Variants in AGBL1 observed in about 807,000 individuals in gnomAD.
The protein encoded by AGBL1 is AGBL carboxypeptidase 1, also known as cytosolic carboxypeptidase 4.
Under a neutral mutation model 118.9 loss-of-function variants are expected in AGBL1, and 130 were observed. The observed-to-expected ratio is 1.09, with a 90% CI of 0.95 to 1.26. The LOEUF is 1.26. Among genes scored for constraint, AGBL1 ranks in the 50% most tolerant of loss-of-function variants. The pLI, the probability that AGBL1 is intolerant of heterozygous loss-of-function variation, is 0.00. For synonymous variants in AGBL1, 555 were observed against 478.9 expected (o/e 1.16, Z -2.08); for missense variants, 1,584 against 1,298.1 (o/e 1.22, Z -3.38).
intron 22 of AGBL1, among the ~76,000 whole-genome samples, chr15:86,871,648 T>C (rs192458272): frequency 2.1e-4 from 32 of 152,262 alleles, no homozygotes; most frequent in African/African-American, 7.7e-4. Context: ...CTTCCAATGG[T>C]TGGATGCTTT....
At chr15:86,148,153 T>C (rs1331864799) in intron 3 of AGBL1, among the ~76,000 whole-genome samples, 2 of 152,254 alleles carry the variant, frequency 1.3e-5, no homozygotes, top group South Asian at 2.1e-4. Flanking sequence ...CAAAGGTAGA[T>C]AAAATCAGAA....
chr15:86,596,938 G>A (rs1241430954), intron 21 of AGBL1, among the ~76,000 whole-genome samples: 2 of 152,070 alleles, frequency 1.3e-5, no homozygotes, highest in Admixed American at 6.6e-5. Context: ...ATATTTATCT[G>A]TTTGGCTCAC....
intron 22 of AGBL1, among the ~76,000 whole-genome samples, chr15:86,721,142 C>G (rs981425383): frequency 3.3e-5 from 5 of 152,176 alleles, no homozygotes; most frequent in African/African-American, 1.2e-4. Flanking sequence ...CTCCCTAACT[C>G]ATTTAATGAG....
intron 22 of AGBL1, among the ~76,000 whole-genome samples, chr15:86,820,086 C>T (rs928004515): frequency 2.0e-4 from 31 of 152,102 alleles, no homozygotes; most frequent in Non-Finnish European, 1.5e-4. Flanking sequence ...ACTGGCTAGC[C>T]ATATGCAGAA....
intron 23 of AGBL1, among the ~76,000 whole-genome samples, chr15:86,931,592 GCT>G (rs1280829288): frequency 1.3e-5 from 2 of 151,658 alleles, no homozygotes; most frequent in Non-Finnish European, 2.9e-5. Flanking sequence ...TGCTGCTGCT[GCT>G]GCTGCTGCTG....
intron 22 of AGBL1, among the ~76,000 whole-genome samples, chr15:86,676,795 G>A (rs559158475): frequency 6.6e-6 from 1 of 152,170 alleles, no homozygotes; most frequent in South Asian, 2.1e-4. Context: ...CTTCTCCAAA[G>A]GTCTGCCCTA....
intron 22 of AGBL1, among the ~76,000 whole-genome samples, chr15:86,794,551 C>T (rs965330132): frequency 5.3e-5 from 8 of 151,800 alleles, no homozygotes; most frequent in East Asian, 3.9e-4. Flanking sequence ...GCATTGTGAG[C>T]GCAGTAAAAG....
At chr15:86,372,027 C>T (rs1035105816) in intron 17 of AGBL1, among the ~76,000 whole-genome samples, 5 of 152,180 alleles carry the variant, frequency 3.3e-5, no homozygotes, top group South Asian at 2.1e-4. Flanking sequence ...CCAGCATTTC[C>T]CCGAAAGTGC....
chr15:86,610,150 T>C (rs1170543692), intron 21 of AGBL1, among the ~76,000 whole-genome samples: 1 of 152,228 alleles, frequency 6.6e-6, no homozygotes, highest in African/African-American at 2.4e-5. Flanking sequence ...CTCCTCTTTC[T>C]GTAGCATAAT....
chr15:86,833,127 A>C (rs913880416), intron 22 of AGBL1, among the ~76,000 whole-genome samples: 1 of 152,128 alleles, frequency 6.6e-6, no homozygotes, highest in African/African-American at 2.4e-5. Flanking sequence ...ATTGCTTCGC[A>C]TTGGGTTCCT....
intron 21 of AGBL1, among the ~76,000 whole-genome samples, chr15:86,612,804 A>G (rs1312892271): frequency 6.6e-6 from 1 of 152,152 alleles, no homozygotes; most frequent in Non-Finnish European, 1.5e-5. Flanking sequence ...TTCTCTCTGA[A>G]GCCGGCTGGC....
intron 23 of AGBL1, among the ~76,000 whole-genome samples, chr15:86,925,950 T>A (rs1206665679): frequency 1.3e-5 from 2 of 152,060 alleles, no homozygotes; most frequent in Non-Finnish European, 2.9e-5. Flanking sequence ...TACGATGGTC[T>A]CAATCTCCTG....
intron 17 of AGBL1, among the ~76,000 whole-genome samples, chr15:86,310,024 T>C (rs909145397): frequency 6.6e-5 from 10 of 152,232 alleles, no homozygotes; most frequent in Admixed American, 1.3e-4. Context: ...TTTAAATACT[T>C]GGTAGAATTT....
chr15:86,652,692 A>T (rs1178708682), intron 21 of AGBL1, among the ~76,000 whole-genome samples: 6 of 152,308 alleles, frequency 3.9e-5, no homozygotes, highest in Admixed American at 3.3e-4. Flanking sequence ...GTATTAAGTT[A>T]ATGAAAAGTA....
chr15:86,200,561 C>A (rs1159396436), intron 5 of AGBL1, among the ~76,000 whole-genome samples: 1 of 119,916 alleles, frequency 8.3e-6, no homozygotes, highest in African/African-American at 3.3e-5. Context: ...CCCCCCCCCC[C>A]CTTTTTTTTT....
intron 6 of AGBL1, among the ~76,000 whole-genome samples, chr15:86,226,714 G>T (rs1373924487): frequency 2.0e-5 from 3 of 152,168 alleles, no homozygotes; most frequent in Non-Finnish European, 4.4e-5. Context: ...TAGGCTGAGT[G>T]TGCAGTGATG....
At chr15:86,190,281 C>T (rs532055426) in intron 5 of AGBL1, among the ~76,000 whole-genome samples, 2 of 152,024 alleles carry the variant, frequency 1.3e-5, no homozygotes, top group South Asian at 2.1e-4. Context: ...AAAATTGATA[C>T]AATTATCATT....
At chr15:86,585,436 C>T (rs2084231619) in intron 21 of AGBL1, among the ~76,000 whole-genome samples, 2 of 152,198 alleles carry the variant, frequency 1.3e-5, no homozygotes, top group African/African-American at 4.8e-5. Flanking sequence ...TGTCTCTGCC[C>T]AGGCTGGAGT....
intron 22 of AGBL1, among the ~76,000 whole-genome samples, chr15:86,849,637 A>G (rs1351535786): frequency 6.6e-6 from 1 of 151,732 alleles, no homozygotes; most frequent in Non-Finnish European, 1.5e-5. Flanking sequence ...AAGTGGAATT[A>G]TATCTAGAAT....
Sources: allele counts gnomAD v4.1 joint callset (sites outside exome capture counted in the v4.1 genomes callset), GRCh38; gene constraint gnomAD v4.1.1; transcripts MANE v1.5; gene names NCBI Gene and HGNC (gene_info 2026-07-23, HGNC 2026-07-21).